The following NTM variants were observed in gnomAD, a reference collection of about 807,000 sequenced individuals.
NTM encodes the protein neurotrimin, also known as IgLON family member 2.
Under a neutral mutation model 42.1 loss-of-function variants are expected in NTM, and 13 were observed. The ratio of observed to expected loss-of-function variants is 0.31; its 90% confidence interval spans 0.20 to 0.49. NTM has a LOEUF of 0.49. NTM is among the 20% of genes least tolerant of loss of function. The pLI, the probability that NTM is intolerant of heterozygous loss-of-function variation, is 0.99. For synonymous variants in NTM, 187 were observed against 179.2 expected (o/e 1.04, Z -0.35); for missense variants, 373 against 452.8 (o/e 0.82, Z 1.60).
chr11:131,384,734 C>A (rs1943103868), intron 1 of NTM, among the ~76,000 whole-genome samples: 1 of 152,160 alleles, frequency 6.6e-6, no homozygotes, highest in African/African-American at 2.4e-5. Context: ...AGAAGAAAGA[C>A]TGCTTCCATT....
intron 1 of NTM, among the ~76,000 whole-genome samples, chr11:131,632,840 A>C (rs1217492735): frequency 1.3e-5 from 2 of 150,474 alleles, no homozygotes; most frequent in African/African-American, 2.5e-5. Flanking sequence ...ATGCCCGGCT[A>C]ATTTTTGTAT....
At position 131,728,244 on chromosome 11, in the gene NTM, C is replaced by CT. The variant is rs527601868; in HGVS notation, c.83-183319dup. On this transcript the variant is annotated intron_variant, in intron 1 of 8. Transcript: ENST00000683400. ...GTTGAGGGCTCTCAGTCCCACAAGA[C>CT]TGTTTCCCCACTTCTAATGCCCGTG... Among the ~76,000 whole-genome samples, 378 of 152,326 alleles carry CT rather than the reference C, an allele frequency of 2.5e-3. 4 individuals are homozygous for CT. Among genetic ancestry groups the CT allele is most frequent in the African/African-American group, 8.6e-3 (358 of 41,572 alleles).
intron 2 of NTM, among the ~76,000 whole-genome samples, chr11:131,944,023 G>T (rs1358474643): frequency 2.0e-5 from 3 of 151,940 alleles, no homozygotes; most frequent in Admixed American, 6.6e-5. Flanking sequence ...TGTGAAAATT[G>T]TGCTCTTTCT....
At chr11:132,028,401 G>A (rs1472010671) in intron 2 of NTM, among the ~76,000 whole-genome samples, 3 of 152,230 alleles carry the variant, frequency 2.0e-5, no homozygotes, top group Admixed American at 6.5e-5. Context: ...ATTGCTTGTT[G>A]TAACTGTGTC....
At chr11:131,917,770 C>A (rs1234678293) in intron 2 of NTM, among the ~76,000 whole-genome samples, 1 of 152,234 alleles carries the variant, frequency 6.6e-6, no homozygotes, top group Non-Finnish European at 1.5e-5. Flanking sequence ...TGGGCACTCA[C>A]CTCTGGGCTT....
chr11:131,830,478 G>T (rs1165565063), intron 1 of NTM, among the ~76,000 whole-genome samples: 2 of 152,160 alleles, frequency 1.3e-5, no homozygotes, highest in Non-Finnish European at 2.9e-5. Flanking sequence ...GATGGCTGTA[G>T]GTGTGTGGCT....
intron 2 of NTM, among the ~76,000 whole-genome samples, chr11:132,105,758 T>C (rs1316924330): frequency 6.6e-6 from 1 of 152,234 alleles, no homozygotes; most frequent in African/African-American, 2.4e-5. Flanking sequence ...TCTGTCATCA[T>C]GCAGCCTTGC....
chr11:131,687,865 T>C (rs2074108021), intron 1 of NTM, among the ~76,000 whole-genome samples: 1 of 152,096 alleles, frequency 6.6e-6, no homozygotes, highest in South Asian at 2.1e-4. Flanking sequence ...CCACCCCACG[T>C]ATCCTCCAGC....
In NTM at chr11:131,693,845, C is replaced by T. The variant is rs532561389; in HGVS notation, c.83-217719C>T. Among the ~76,000 whole-genome samples, 8 of 152,268 alleles carry T rather than the reference C, an allele frequency of 5.3e-5. No homozygotes were observed. In the East Asian group the frequency reaches 5.8e-4, roughly 11 times the overall value. ...TCCATAATTGATTAGAAACTGGAAGCGAGAGAGGAGAAGCTGCTTTTACAG... is the reference window on the plus strand; with the variant it reads ...TCCATAATTGATTAGAAACTGGAAGTGAGAGAGGAGAAGCTGCTTTTACAG... On this transcript the variant is annotated intron_variant, in intron 1 of 8. Coordinates refer to ENST00000683400, the MANE Select transcript of NTM (RefSeq NM_001352005.2).
At chr11:131,843,407 T>C (rs1167877439) in intron 1 of NTM, among the ~76,000 whole-genome samples, 2 of 152,252 alleles carry the variant, frequency 1.3e-5, no homozygotes, top group African/African-American at 4.8e-5. Context: ...GCCTTGTTTA[T>C]GTAACTTCAT....
chr11:131,964,972 G>T (rs2134574201), intron 2 of NTM, among the ~76,000 whole-genome samples: 1 of 152,260 alleles, frequency 6.6e-6, no homozygotes, highest in South Asian at 2.1e-4. Context: ...TGGCTGGTCT[G>T]TGAGGACAGG....
intron 1 of NTM, among the ~76,000 whole-genome samples, chr11:131,475,541 T>C (rs1349194510): frequency 1.3e-5 from 2 of 151,962 alleles, no homozygotes; most frequent in African/African-American, 2.4e-5. Context: ...AACTGCTACA[T>C]ATCACAGTCA....
chr11:131,424,622 G>A (rs1187896995), intron 1 of NTM, among the ~76,000 whole-genome samples: 16 of 24,324 alleles, frequency 6.6e-4, no homozygotes, highest in Middle Eastern at 0.026. Flanking sequence ...TTTTTTTGGC[G>A]CAATCTTGGC....
intron 1 of NTM, among the ~76,000 whole-genome samples, chr11:131,500,567 ATATATATATATTTTTTTTTT>A (rs2046635996): frequency 3.7e-5 from 1 of 27,102 alleles, no homozygotes; most frequent in African/African-American, 2.8e-4. Flanking sequence ...ATATATATAT[ATATATATATATTTTTTTTTT>A]TTTTTTTTGT....
chr11:132,076,829 G>T (rs1051482787), intron 2 of NTM, among the ~76,000 whole-genome samples: 3 of 152,122 alleles, frequency 2.0e-5, no homozygotes, highest in Non-Finnish European at 4.4e-5. Context: ...AAACAGCAAA[G>T]CCAATTACAA....
chr11:131,827,170 G>T (rs1488688401), intron 1 of NTM, among the ~76,000 whole-genome samples: 3 of 151,956 alleles, frequency 2.0e-5, no homozygotes, highest in African/African-American at 7.3e-5. Flanking sequence ...AAAATAAATA[G>T]AAAACAAAAT....
chr11:132,044,914 G>A (rs1488060655), intron 2 of NTM, among the ~76,000 whole-genome samples: 1 of 152,020 alleles, frequency 6.6e-6, no homozygotes, highest in East Asian at 1.9e-4. Flanking sequence ...AAAAAGCCTA[G>A]CACCAGACAG....
chr11:131,731,555 A>G (rs2079687515), intron 1 of NTM, among the ~76,000 whole-genome samples: 1 of 152,200 alleles, frequency 6.6e-6, no homozygotes, highest in Non-Finnish European at 1.5e-5. Flanking sequence ...ATCAGTGGAC[A>G]ATAAAGGTCA....
At chr11:131,414,405 C>T (rs80272259) in intron 1 of NTM, among the ~76,000 whole-genome samples, 5,212 of 152,222 alleles carry the variant, frequency 0.034, 284 homozygotes, top group African/African-American at 0.12. Flanking sequence ...GTCTCTGATC[C>T]CTCTAAAGGG....
Sources: allele counts gnomAD v4.1 joint callset (sites outside exome capture counted in the v4.1 genomes callset), GRCh38; gene constraint gnomAD v4.1.1; transcripts MANE v1.5; gene names NCBI Gene and HGNC (gene_info 2026-07-23, HGNC 2026-07-21).